The following RRH variants were observed in gnomAD, a reference collection of about 807,000 sequenced individuals.
The protein encoded by RRH is retinal pigment epithelium-derived rhodopsin homolog, also known as visual pigment-like receptor peropsin.
Under a neutral mutation model 33.1 loss-of-function variants are expected in RRH, and 36 were observed. The ratio of observed to expected loss-of-function variants is 1.09; its 90% CI spans 0.83 to 1.44. The LOEUF is 1.44. Ranked by LOEUF, RRH falls within the 40% of genes most tolerant of loss-of-function variation. RRH has a pLI of 0.00. For missense variants in RRH, 393 were observed against 420.2 expected, an observed-to-expected ratio of 0.94 and a Z score of 0.57; for synonymous variants, 124 against 140.2, an observed-to-expected ratio of 0.88 and a Z score of 0.82.
chr4:109,842,358 A>C, intron 5 of RRH, 111 bp from the exon 6 acceptor site: 2 of 1,042,404 alleles, frequency 1.9e-6, no homozygotes, highest in South Asian at 3.0e-5. Flanking sequence ...ATGTCATCAA[A>C]AACATAAACA....
At chr4:109,836,276 C>G (rs553641727) in intron 4 of RRH, 116 bp downstream of exon 4, 1 of 1,060,182 alleles carries the variant, frequency 9.4e-7, no homozygotes, top group East Asian at 2.5e-5. Context: ...GAAGCACTTC[C>G]CTGGTAGTGA....
At position 109,836,713 on chromosome 4, in the gene RRH, CA is replaced by C. The variant is rs541893844; in HGVS notation, c.551+554del. On this transcript the variant is annotated intron_variant, in intron 4 of 6. Coordinates refer to ENST00000317735, the MANE Select transcript of RRH (RefSeq NM_006583.5). ...AAATGAAGGATGACATAAACATGAA[CA>C]GAAAATTTCTAGATCTCAAACCTGA... Among the ~76,000 whole-genome samples the C allele has an allele frequency of 2.9e-4, 44 of 152,102 alleles. No individual in the cohort carries two copies. The Middle Eastern group carries it at 0.014, about 47-fold the overall frequency.
rs1734048701 is a variant in RRH at position 109,844,707 on chromosome 4, A to T, written c.*510A>T. Reference sequence around the variant, plus strand: ...TTAAACATGATTGTTTCTAAATAAAATGTTAAGTCAATGCATATATATTAT... The same window carrying T: ...TTAAACATGATTGTTTCTAAATAAATTGTTAAGTCAATGCATATATATTAT... On this transcript the variant is annotated 3_prime_UTR_variant, in exon 7 of 7. Transcript: ENST00000317735. 1 of 155,942 alleles carries T rather than the reference A, an allele frequency of 6.4e-6. No homozygotes were observed. Among genetic ancestry groups the T allele is most frequent in the South Asian group, 2.0e-4 (1 of 5,100 alleles). The allele number at this position is 155,942 out of a possible 1,614,324, so 9.7% of individuals were successfully genotyped here. A position where few individuals can be genotyped will look rare whatever the true frequency, so the allele number is the denominator to read the frequency against.
At chr4:109,828,778 C>T (rs1200239832) in intron 1 of RRH, among the ~76,000 whole-genome samples, 1 of 151,764 alleles carries the variant, frequency 6.6e-6, no homozygotes, top group East Asian at 1.9e-4. Flanking sequence ...CCTTTTTGTT[C>T]TTCCATTTTC....
rs1733877882 is a variant in RRH at position 109,836,087 on chromosome 4, AT to A, written c.479del (p.Ile160ThrfsTer2). 6.2e-7 allele frequency: 1 copy of A among 1,614,076 alleles called. No individual in the cohort carries two copies. The highest frequency in any genetic ancestry group is 1.7e-5 in the Admixed American group (1 of 59,996). On this transcript the variant is annotated frameshift_variant, in exon 4 of 7. Transcript: ENST00000317735. LOFTEE classifies it high-confidence loss of function. Reference protein sequence around the residue: ...INGLFWALMPIIGWASYAPDP... With the variant: ...INGLFWALMPXIGWASYAPDP... ...TGGCCTGTTTTGGGCTTTGATGCCT[AT>A]CATAGGGTGGGCTAGTTATGCCCCA...
chr4:109,842,837 C>T (rs1018905770), intron 6 of RRH, among the ~76,000 whole-genome samples, 190 bp downstream of exon 6: 11 of 152,178 alleles, frequency 7.2e-5, no homozygotes, highest in Non-Finnish European at 1.3e-4. Flanking sequence ...TCTTCCCACA[C>T]AGTGGCAGAG....
chr4:109,833,203 G>A lies in RRH; in HGVS notation c.171G>A (p.Arg57=), dbSNP rs906599798. ...LGIFIKYKEL[R]TPTNAIIINL... is the part of the protein sequence containing the mutation. ...TCTTCATTAAGTACAAGGAACTTCGGACACCCACAAATGCAATTATTATTA... is the reference window on the plus strand; with the variant it reads ...TCTTCATTAAGTACAAGGAACTTCGAACACCCACAAATGCAATTATTATTA... The change falls in exon 2 of 7, where the codon CGG becomes CGA. Residue 57 remains arginine, a synonymous_variant. Transcript: ENST00000317735. 6.2e-7 allele frequency: 1 copy of A among 1,613,726 alleles called. No individual in the cohort carries two copies. Among genetic ancestry groups the A allele is most frequent in the Non-Finnish European group, 8.5e-7 (1 of 1,179,814 alleles).
intron 2 of RRH, among the ~76,000 whole-genome samples, chr4:109,833,895 G>C (rs1397519195): frequency 6.6e-6 from 1 of 152,166 alleles, no homozygotes. Flanking sequence ...TAAAATGAAA[G>C]TAGTAGTGAA....
At chr4:109,838,089 C>G (rs1276602575) in intron 5 of RRH, among the ~76,000 whole-genome samples, 2 of 152,118 alleles carry the variant, frequency 1.3e-5, no homozygotes, top group Non-Finnish European at 2.9e-5. Flanking sequence ...CACTTGCCTT[C>G]TTATTTCTGA....
chr4:109,839,402 C>T (rs1733945660), intron 5 of RRH, among the ~76,000 whole-genome samples: 1 of 152,194 alleles, frequency 6.6e-6, no homozygotes, highest in African/African-American at 2.4e-5. Context: ...CTTTCTGTAA[C>T]ATTTTTTACA....
At chr4:109,829,494 T>C (rs1334256216) in intron 1 of RRH, among the ~76,000 whole-genome samples, 1 of 151,868 alleles carries the variant, frequency 6.6e-6, no homozygotes, top group Non-Finnish European at 1.5e-5. Context: ...GCAGAAAATA[T>C]TCTATTTAGT....
intron 5 of RRH, 84 bp from the exon 6 acceptor site, chr4:109,842,385 C>T (rs1004212284): frequency 7.8e-7 from 1 of 1,279,022 alleles, no homozygotes; most frequent in Non-Finnish European, 1.1e-6. Flanking sequence ...AATTCCAACC[C>T]AGATAGATTT....
At chr4:109,834,500 T>TG (rs1204617551) in intron 2 of RRH, among the ~76,000 whole-genome samples, 4 of 130,914 alleles carry the variant, frequency 3.1e-5, no homozygotes, top group African/African-American at 1.0e-4. Context: ...TGGCTAATTT[T>TG]TTTTTTTGTA....
intron 3 of RRH, 45 bp from the exon 4 acceptor site, chr4:109,835,962 C>A (rs867155396): frequency 6.2e-7 from 1 of 1,609,346 alleles, no homozygotes; most frequent in Middle Eastern, 1.7e-4. Flanking sequence ...AAAGTGAGTC[C>A]CATTAATGGC....
At chr4:109,828,599 T>C (rs189086120) in intron 1 of RRH, among the ~76,000 whole-genome samples, 3 of 152,168 alleles carry the variant, frequency 2.0e-5, no homozygotes, top group Admixed American at 2.0e-4. Flanking sequence ...AGAATTTAGC[T>C]AAGAACTTAA....
chr4:109,832,434 AG>A lies in RRH; in HGVS notation c.107-704del, dbSNP rs1386687600. On this transcript the variant is annotated intron_variant, in intron 1 of 6. Transcript: ENST00000317735. ...TGTGAGGCTTCTCTATGGACCAAAA[AG>A]CTGGCTCAACTTCCTCTCTGGATAG... Among the ~76,000 whole-genome samples, 5 of 150,410 alleles carry A rather than the reference AG, an allele frequency of 3.3e-5. No homozygotes were observed. The East Asian group carries it at 9.8e-4, about 30-fold the overall frequency.
intron 5 of RRH, among the ~76,000 whole-genome samples, chr4:109,839,788 A>G (rs1362166663): frequency 6.6e-6 from 1 of 152,186 alleles, no homozygotes; most frequent in Non-Finnish European, 1.5e-5. Flanking sequence ...AAAGGACATG[A>G]TCTCATTCCT....
At chr4:109,843,612 A>G (rs759598200) in intron 6 of RRH, among the ~76,000 whole-genome samples, 2 of 152,236 alleles carry the variant, frequency 1.3e-5, no homozygotes, top group Admixed American at 6.5e-5. Flanking sequence ...AGACCACATA[A>G]GAAGAATGAA....
At chr4:109,842,212 T>G (rs985770416) in intron 5 of RRH, among the ~76,000 whole-genome samples, 1 of 152,136 alleles carries the variant, frequency 6.6e-6, no homozygotes. Context: ...GCATTCCTTA[T>G]GTGTGTGTAC....
Sources: gnomAD v4.1 joint callset for allele counts (sites outside exome capture counted in the v4.1 genomes callset) on GRCh38, gnomAD v4.1.1 for gene constraint, MANE v1.5 for transcripts, NCBI Gene and HGNC (gene_info 2026-07-23, HGNC 2026-07-21) for gene names.